Variants in DOCK5 observed in about 807,000 individuals in gnomAD.
The protein encoded by DOCK5 is dedicator of cytokinesis protein 5.
Under a neutral mutation model 251.8 loss-of-function variants are expected in DOCK5, and 142 were observed. The observed-to-expected ratio is 0.56, with a 90% CI of 0.49 to 0.65. The LOEUF is 0.65. Among genes scored for constraint, DOCK5 ranks in the 30% least tolerant of loss-of-function variants. DOCK5 has a pLI of 0.00. For synonymous variants in DOCK5, 842 were observed against 835.5 expected (o/e 1.01, Z -0.13); for missense variants, 2,111 against 2,312.3 (o/e 0.91, Z 1.79).
chr8:25,213,326 GA>G (rs1802148557), intron 1 of DOCK5, among the ~76,000 whole-genome samples: 1 of 135,962 alleles, frequency 7.4e-6, no homozygotes, highest in South Asian at 2.3e-4. Flanking sequence ...TGTTTCACAG[GA>G]AAGTCAGGAG....
At chr8:25,186,870 T>C (rs1395699424) in intron 1 of DOCK5, among the ~76,000 whole-genome samples, 4 of 152,128 alleles carry the variant, frequency 2.6e-5, no homozygotes, top group Non-Finnish European at 5.9e-5. Flanking sequence ...TGTTTTTATG[T>C]TCTGGAGTCA....
intron 25 of DOCK5, among the ~76,000 whole-genome samples, chr8:25,344,730 C>T (rs1412390959): frequency 6.6e-6 from 1 of 152,198 alleles, no homozygotes; most frequent in East Asian, 1.9e-4. Flanking sequence ...ACATTTATTA[C>T]TAAAGCAAAT....
chr8:25,261,856 A>G (rs1803593001), intron 2 of DOCK5, among the ~76,000 whole-genome samples: 1 of 152,108 alleles, frequency 6.6e-6, no homozygotes, highest in South Asian at 2.1e-4. Context: ...GTGGAATTAG[A>G]TGTGTCTATT....
chr8:25,184,793 T>G lies in DOCK5; in HGVS notation c.-116T>G. ...AGGCGGCCCGCGGAGTCCAGCGAAG[T>G]TTGGCGGAACATGGCGGAAGCGTCT... On this transcript the variant is annotated 5_prime_UTR_variant, in exon 1 of 52. Transcript: ENST00000276440. 1 of 1,019,822 alleles carries G rather than the reference T, an allele frequency of 9.8e-7. No individual in the cohort carries two copies. The highest frequency in any genetic ancestry group is 1.3e-6 in the Non-Finnish European group (1 of 795,936). 63.2% of individuals were successfully genotyped at this position (1,019,822 alleles called of 1,614,324 possible). A position where few individuals can be genotyped will look rare whatever the true frequency, so the allele number is the denominator to read the frequency against.
intron 3 of DOCK5, 124 bp downstream of exon 3, chr8:25,269,009 CTCT>C: frequency 2.5e-6 from 2 of 795,882 alleles, no homozygotes; most frequent in Non-Finnish European, 3.9e-6. Flanking sequence ...TCTTTGATGG[CTCT>C]TCTTTGGATT....
Position 25,412,557 on chromosome 8 carries a change from C to T in DOCK5, c.*1259C>T, listed in dbSNP as rs1306143049. 3 of 152,172 alleles carry T rather than the reference C, an allele frequency of 2.0e-5. No individual in the cohort carries two copies. Among genetic ancestry groups the T allele is most frequent in the Admixed American group, 2.0e-4 (3 of 15,280 alleles). 9.4% of individuals were successfully genotyped at this position (152,172 alleles called of 1,614,324 possible). ...CTCTAGAAGACAACTCTGACAGACT[C>T]TTTAATATTTACCCCTGGTTGGAAC... On this transcript the variant is annotated 3_prime_UTR_variant, in exon 52 of 52. Transcript: ENST00000276440.
intron 5 of DOCK5, among the ~76,000 whole-genome samples, chr8:25,288,475 G>C (rs1019674742): frequency 2.6e-5 from 4 of 152,112 alleles, no homozygotes; most frequent in African/African-American, 9.7e-5. Context: ...TGGTATGGAC[G>C]GGCAATAATT....
At chr8:25,263,335 TA>T (rs1259653687) in intron 2 of DOCK5, among the ~76,000 whole-genome samples, 1 of 151,842 alleles carries the variant, frequency 6.6e-6, no homozygotes, top group African/African-American at 2.4e-5. Flanking sequence ...TCAACAGAGC[TA>T]GGGGTAGTAT....
In DOCK5 at chr8:25,294,473, A is replaced by G. The variant is rs1352319480; in HGVS notation, c.471-2040A>G. 2.6e-5 allele frequency among the ~76,000 whole-genome samples: 4 copies of G among 152,092 alleles called. No homozygotes were observed. The East Asian group carries it at 7.7e-4, about 29-fold the overall frequency. On this transcript the variant is annotated intron_variant, in intron 6 of 51. Transcript: ENST00000276440. ...CTGGGTATTCGGATAGCAGTATCCTATTTCCACCACAGTCCTCAACTTCTT... is the reference window on the plus strand; with the variant it reads ...CTGGGTATTCGGATAGCAGTATCCTGTTTCCACCACAGTCCTCAACTTCTT...
In DOCK5 at chr8:25,259,593, C is replaced by A. The variant is rs576755342; in HGVS notation, c.128-9252C>A. On this transcript the variant is annotated intron_variant, in intron 2 of 51. Coordinates refer to ENST00000276440, the MANE Select transcript of DOCK5 (RefSeq NM_024940.8). The stretch of plus-strand genomic sequence containing the variant: ...GCCTCAGCTTCCTGAGTAGTTGGGA[C>A]TACAGGCATACATCATCACCAGGCC... Among the ~76,000 whole-genome samples, 6 of 152,202 alleles carry A rather than the reference C, an allele frequency of 3.9e-5. No individual in the cohort carries two copies. In the South Asian group the frequency reaches 1.2e-3, roughly 32 times the overall value.
In DOCK5 at chr8:25,368,744, C is replaced by T. The variant is rs774508730; in HGVS notation, c.3438+19C>T. 4.3e-5 allele frequency: 69 copies of T among 1,606,476 alleles called. No individual in the cohort carries two copies. Among genetic ancestry groups the T allele is most frequent in the African/African-American group, 3.5e-4 (26 of 74,720 alleles). ...CCATATGGTAAGAAGTGGCAGACCG[C>T]GTAATATTAGTAAATGGACATATAG... On this transcript the variant is annotated intron_variant, in intron 33 of 51. Transcript: ENST00000276440.
At chr8:25,246,881 T>C (rs367862568) in intron 2 of DOCK5, among the ~76,000 whole-genome samples, 1 of 148,122 alleles carries the variant, frequency 6.8e-6, no homozygotes, top group East Asian at 1.9e-4. Context: ...GTAATGTCTT[T>C]TGTTTTTTGT....
In DOCK5 at chr8:25,231,156, C is replaced by G. The variant is rs529193331; in HGVS notation, c.44-12518C>G. Reference sequence around the variant, plus strand: ...TAAGACTTGGTATTATATCTAAAGGCATCATCCTGTGTATATTTTTTCTAT... The same window carrying G: ...TAAGACTTGGTATTATATCTAAAGGGATCATCCTGTGTATATTTTTTCTAT... On this transcript the variant is annotated intron_variant, in intron 1 of 51. Coordinates refer to ENST00000276440, the MANE Select transcript of DOCK5 (RefSeq NM_024940.8). 5.2e-4 allele frequency among the ~76,000 whole-genome samples: 79 copies of G among 152,246 alleles called. 1 individual carries two copies. Among genetic ancestry groups the G allele is most frequent in the African/African-American group, 1.8e-3 (73 of 41,542 alleles).
intron 50 of DOCK5, 82 bp from the exon 51 acceptor site, chr8:25,410,017 G>C (rs1801591571): frequency 8.7e-7 from 1 of 1,151,924 alleles, no homozygotes; most frequent in African/African-American, 1.5e-5. Flanking sequence ...GGTTGGCTTA[G>C]GTGTTACAGT....
chr8:25,229,792 G>A (rs1433290510), intron 1 of DOCK5, among the ~76,000 whole-genome samples: 2 of 151,914 alleles, frequency 1.3e-5, no homozygotes, highest in African/African-American at 4.8e-5. Flanking sequence ...TTCCTTCATT[G>A]CATAAAAGGT....
In DOCK5 at chr8:25,278,675, C is replaced by T. The variant is rs561288110; in HGVS notation, c.321+10C>T. The T allele has an allele frequency of 1.2e-5, 20 of 1,613,254 alleles. No individual in the cohort carries two copies. In the African/African-American group the frequency reaches 2.3e-4, roughly 18 times the overall value. The stretch of plus-strand genomic sequence containing the variant: ...GCGAAAGCTCTACGTGGTGAGTTTC[C>T]CCTTGTGGCTTGGAGCCCCAGGGTC... On this transcript the variant is annotated intron_variant, in intron 5 of 51. Transcript: ENST00000276440.
chr8:25,364,465 TC>T (rs1800741322), intron 29 of DOCK5, among the ~76,000 whole-genome samples, 160 bp from the exon 30 acceptor site: 1 of 152,202 alleles, frequency 6.6e-6, no homozygotes, highest in African/African-American at 2.4e-5. Flanking sequence ...CTGTGCCCCA[TC>T]TGCGGATGGT....
At chr8:25,319,055 C>T (rs563342825) in intron 14 of DOCK5, among the ~76,000 whole-genome samples, 39 of 152,226 alleles carry the variant, frequency 2.6e-4, no homozygotes, top group Admixed American at 2.0e-3. Flanking sequence ...TTGGTCATTT[C>T]GTTTGATAGT....
At chr8:25,312,439 G>A (rs1471339488) in intron 13 of DOCK5, among the ~76,000 whole-genome samples, 1 of 152,070 alleles carries the variant, frequency 6.6e-6, no homozygotes, top group African/African-American at 2.4e-5. Flanking sequence ...TGGTTCATAG[G>A]ATGCCAAGGG....
Sources: gnomAD v4.1 joint callset for allele counts (sites outside exome capture counted in the v4.1 genomes callset) on GRCh38, gnomAD v4.1.1 for gene constraint, MANE v1.5 for transcripts, NCBI Gene and HGNC (gene_info 2026-07-23, HGNC 2026-07-21) for gene names.